The following KIAA1217 variants were observed in gnomAD, a reference collection of about 807,000 sequenced individuals.
KIAA1217 encodes the protein KIAA1217, also known as sickle tail protein homolog.
A neutral mutation model predicts 163.9 loss-of-function variants in KIAA1217; 88 were observed. The observed-to-expected ratio is 0.54, with a 90% CI of 0.45 to 0.64. The LOEUF (loss-of-function observed/expected upper bound fraction) is 0.64. Ranked by LOEUF, KIAA1217 falls within the 30% of genes least tolerant of loss-of-function variation. KIAA1217 has a pLI of 0.00. For missense variants in KIAA1217, 2,372 were observed against 2,475.0 expected (o/e 0.96, Z 0.88); for synonymous variants, 903 against 923.1 (o/e 0.98, Z 0.39).
At chr10:24,173,739 C>T (rs2065740782) in intron 2 of KIAA1217, among the ~76,000 whole-genome samples, 1 of 152,200 alleles carries the variant, frequency 6.6e-6, no homozygotes, top group Non-Finnish European at 1.5e-5. Context: ...TAGAATACTG[C>T]CTGGTCCATA....
intron 2 of KIAA1217, among the ~76,000 whole-genome samples, chr10:24,299,513 C>T (rs984995981): frequency 6.6e-6 from 1 of 152,154 alleles, no homozygotes; most frequent in Non-Finnish European, 1.5e-5. Flanking sequence ...GTCCTCCCAC[C>T]TCAGCCTCCC....
chr10:23,839,403 CTCT>C (rs1389402684), intron 1 of KIAA1217, among the ~76,000 whole-genome samples: 2 of 152,002 alleles, frequency 1.3e-5, no homozygotes, highest in Non-Finnish European at 1.5e-5. Context: ...TTTCCTGTTT[CTCT>C]TCTTTAGTGA....
chr10:24,289,089 A>T (rs963166926), intron 2 of KIAA1217, among the ~76,000 whole-genome samples: 1 of 152,112 alleles, frequency 6.6e-6, no homozygotes, highest in African/African-American at 2.4e-5. Context: ...GCCTCATCCT[A>T]TGCCAAGTTT....
chr10:24,211,546 TATTGTATTGTATTGTATTG>T (rs1564836069), intron 1 of KIAA1217, among the ~76,000 whole-genome samples: 6,717 of 85,476 alleles, frequency 0.079, 345 homozygotes, highest in Middle Eastern at 0.22. Context: ...TATTGTATTG[TATTGTATTGTATTGTATTG>T]TATTGTATTG....
At chr10:24,156,431 T>C (rs2064878806) in intron 2 of KIAA1217, among the ~76,000 whole-genome samples, 2 of 152,236 alleles carry the variant, frequency 1.3e-5, no homozygotes. Context: ...ATATGAACAT[T>C]CACATAGAGT....
intron 13 of KIAA1217, among the ~76,000 whole-genome samples, chr10:24,525,889 T>C (rs1299101797): frequency 6.6e-6 from 1 of 151,754 alleles, no homozygotes; most frequent in African/African-American, 2.4e-5. Flanking sequence ...ACTCAGGGGG[T>C]TGAGGTGGGT....
At chr10:24,218,805 G>C (rs2069192907) in intron 1 of KIAA1217, among the ~76,000 whole-genome samples, 1 of 152,062 alleles carries the variant, frequency 6.6e-6, no homozygotes, top group African/African-American at 2.4e-5. Context: ...TGTTACTTCT[G>C]ATGGTATTCT....
chr10:23,727,627 A>T (rs1001884015), intron 1 of KIAA1217, among the ~76,000 whole-genome samples: 27 of 152,316 alleles, frequency 1.8e-4, no homozygotes, highest in Non-Finnish European at 3.1e-4. Context: ...TAATATTTTT[A>T]ACGTTGCTTT....
chr10:24,501,115 T>C (rs1264078395), intron 8 of KIAA1217, among the ~76,000 whole-genome samples: 3 of 151,960 alleles, frequency 2.0e-5, no homozygotes, highest in African/African-American at 4.8e-5. Context: ...AATTGATCAA[T>C]TGATAGAACA....
At chr10:24,303,261 C>A (rs192275940) in intron 2 of KIAA1217, among the ~76,000 whole-genome samples, 1 of 152,260 alleles carries the variant, frequency 6.6e-6, no homozygotes, top group East Asian at 1.9e-4. Flanking sequence ...AGCGATCCTC[C>A]TGCCTCGATC....
At chr10:24,141,988 G>A (rs2064103771) in intron 2 of KIAA1217, among the ~76,000 whole-genome samples, 1 of 151,998 alleles carries the variant, frequency 6.6e-6, no homozygotes, top group Non-Finnish European at 1.5e-5. Flanking sequence ...GGTTATAGCA[G>A]CCCAAACAGG....
At chr10:24,269,181 C>T (rs1484157669) in intron 2 of KIAA1217, among the ~76,000 whole-genome samples, 52 of 132,840 alleles carry the variant, frequency 3.9e-4, no homozygotes, top group Non-Finnish European at 7.0e-4. Context: ...GCACAATGTG[C>T]ACATGTACCC....
chr10:24,299,728 A>AGT (rs1231996516), intron 2 of KIAA1217, among the ~76,000 whole-genome samples: 1 of 152,074 alleles, frequency 6.6e-6, no homozygotes, highest in African/African-American at 2.4e-5. Context: ...AGTCACTTTT[A>AGT]CGCTTATGAG....
At chr10:24,438,162 C>G (rs1040616733) in intron 4 of KIAA1217, among the ~76,000 whole-genome samples, 1 of 151,900 alleles carries the variant, frequency 6.6e-6, no homozygotes, top group African/African-American at 2.4e-5. Flanking sequence ...ATAATACTTT[C>G]TTGGGGAACA....
At position 23,743,387 on chromosome 10, in the gene KIAA1217, C is replaced by T. The variant is rs148197235; in HGVS notation, c.-321+48153C>T. On this transcript the variant is annotated intron_variant, in intron 1 of 18. Transcript: ENST00000376462. ...CCAGGCATGTGATATGTACTAAAATCAACCTGAGGGACAAAAAAATTCTCT... is the reference window on the plus strand; with the variant it reads ...CCAGGCATGTGATATGTACTAAAATTAACCTGAGGGACAAAAAAATTCTCT... 2.0e-3 allele frequency among the ~76,000 whole-genome samples: 307 copies of T among 152,196 alleles called. 2 individuals are homozygous for T. Among genetic ancestry groups the T allele is most frequent in the Non-Finnish European group, 4.1e-3 (278 of 68,014 alleles).
At chr10:23,941,482 T>G (rs1843765276) in intron 1 of KIAA1217, among the ~76,000 whole-genome samples, 1 of 152,172 alleles carries the variant, frequency 6.6e-6, no homozygotes, top group African/African-American at 2.4e-5. Context: ...TTTATTCCAC[T>G]TTTTCCATAA....
chr10:24,130,821 T>C lies in KIAA1217; in HGVS notation c.-170-88805T>C, dbSNP rs2063626095. On this transcript the variant is annotated intron_variant, in intron 2 of 18. Coordinates refer to the KIAA1217 transcript ENST00000376462. ...TCATTAACTTTTCCAGCAACTTCTT[T>C]ATAAAATCTCTGGCTATCTTATGGT... Among the ~76,000 whole-genome samples, 8 of 152,328 alleles carry C rather than the reference T, an allele frequency of 5.3e-5. No homozygotes were observed. In the South Asian group the frequency reaches 1.7e-3, roughly 32 times the overall value.
At chr10:23,932,722 T>C (rs896608300) in intron 1 of KIAA1217, among the ~76,000 whole-genome samples, 1 of 152,342 alleles carries the variant, frequency 6.6e-6, no homozygotes, top group African/African-American at 2.4e-5. Flanking sequence ...TCCTGAGATG[T>C]TATCTCTTTT....
chr10:23,990,096 C>T (rs1846155339), intron 1 of KIAA1217, among the ~76,000 whole-genome samples: 1 of 152,136 alleles, frequency 6.6e-6, no homozygotes, highest in Non-Finnish European at 1.5e-5. Flanking sequence ...TTTATGGTAT[C>T]ATATTTGATG....
Sources: allele counts gnomAD v4.1 joint callset (sites outside exome capture counted in the v4.1 genomes callset), GRCh38; gene constraint gnomAD v4.1.1; transcripts MANE v1.5; gene names NCBI Gene and HGNC (gene_info 2026-07-23, HGNC 2026-07-21).